Variants in CTTNBP2NL observed in about 807,000 individuals in gnomAD.
CTTNBP2NL encodes CTTNBP2 N-terminal-like protein.
CTTNBP2NL carries 16 observed loss-of-function variants against 32.5 expected under a neutral mutation model. The observed-to-expected ratio is 0.49, with a 90% CI of 0.33 to 0.75. CTTNBP2NL has a LOEUF of 0.75. CTTNBP2NL is among the 30% of genes least tolerant of loss of function. The pLI is 0.02. For synonymous variants in CTTNBP2NL, 298 were observed against 289.4 expected (o/e 1.03, Z -0.30); for missense variants, 645 against 756.0 (o/e 0.85, Z 1.72).
At chr1:112,419,066 C>T (rs1649148360) in intron 3 of CTTNBP2NL, among the ~76,000 whole-genome samples, 1 of 152,050 alleles carries the variant, frequency 6.6e-6, no homozygotes, top group Admixed American at 6.6e-5. Context: ...CTTTCATGTG[C>T]GATTAACTTA....
intron 3 of CTTNBP2NL, among the ~76,000 whole-genome samples, chr1:112,436,892 G>A (rs77220615): frequency 6.6e-5 from 10 of 152,244 alleles, no homozygotes; most frequent in African/African-American, 2.4e-4. Context: ...GCTTATAAGT[G>A]AGAACGTGTG....
intron 1 of CTTNBP2NL, among the ~76,000 whole-genome samples, chr1:112,401,829 C>T (rs987822372): frequency 3.3e-5 from 5 of 152,156 alleles, no homozygotes; most frequent in African/African-American, 4.8e-5. Flanking sequence ...GGTACAGAGC[C>T]AGAACTTCCA....
intron 4 of CTTNBP2NL, among the ~76,000 whole-genome samples, chr1:112,452,676 C>T (rs1287343227): frequency 7.2e-6 from 1 of 139,242 alleles, no homozygotes; most frequent in Non-Finnish European, 1.5e-5. Context: ...AGTCTCACTC[C>T]GTTGCCTGGG....
At chr1:112,397,539 A>G (rs1294106140) in intron 1 of CTTNBP2NL, among the ~76,000 whole-genome samples, 1 of 152,210 alleles carries the variant, frequency 6.6e-6, no homozygotes, top group Non-Finnish European at 1.5e-5. Flanking sequence ...AGATAAGAGT[A>G]AATAAAGGCA....
chr1:112,411,880 A>G (rs1254750251), intron 1 of CTTNBP2NL, among the ~76,000 whole-genome samples: 1 of 152,148 alleles, frequency 6.6e-6, no homozygotes, highest in Non-Finnish European at 1.5e-5. Flanking sequence ...AGTCATGGTG[A>G]TTCAAGCAAA....
At chr1:112,420,641 G>C (rs1000805190) in intron 3 of CTTNBP2NL, among the ~76,000 whole-genome samples, 9 of 151,760 alleles carry the variant, frequency 5.9e-5, no homozygotes, top group Non-Finnish European at 1.2e-4. Context: ...GCTAAGTTTT[G>C]TATTTTTTGT....
intron 2 of CTTNBP2NL, chr1:112,414,728 A>G (rs1649007013): frequency 6.6e-6 from 1 of 152,244 alleles, no homozygotes; most frequent in Non-Finnish European, 1.5e-5. Context: ...ATTGTACAGC[A>G]GTCTAACTTG....
chr1:112,456,586 GCAA>G lies in CTTNBP2NL; in HGVS notation c.1098_1100del (p.Asn367del). 6.2e-7 allele frequency: 1 copy of G among 1,614,148 alleles called. No homozygotes were observed. Among genetic ancestry groups the G allele is most frequent in the African/African-American group, 1.3e-5 (1 of 75,044 alleles). Reference sequence around the variant, plus strand: ...CAAACTACCAGGGAGCTGACTGCAGGCAACAATGTAGAAAACCAGGTGCCTCCA... The same window carrying G: ...CAAACTACCAGGGAGCTGACTGCAGGCAATGTAGAAAACCAGGTGCCTCCA... On this transcript the variant is annotated inframe_deletion, in exon 6 of 6. Coordinates refer to ENST00000271277, the MANE Select transcript of CTTNBP2NL (RefSeq NM_018704.3).
intron 3 of CTTNBP2NL, among the ~76,000 whole-genome samples, chr1:112,437,509 G>A (rs139444463): frequency 0.03 from 4,546 of 151,874 alleles, 121 homozygotes; most frequent in Non-Finnish European, 0.045. Context: ...AGTTGTTTGA[G>A]TTCCTTTGTT....
chr1:112,435,633 G>C (rs945100762), intron 3 of CTTNBP2NL, among the ~76,000 whole-genome samples: 2 of 152,146 alleles, frequency 1.3e-5, no homozygotes, highest in African/African-American at 4.8e-5. Context: ...GGAACAATTT[G>C]TTCTTCAGGC....
upstream of CTTNBP2NL, among the ~76,000 whole-genome samples, chr1:112,391,938 C>G (rs1648192441): frequency 6.6e-6 from 1 of 152,020 alleles, no homozygotes; most frequent in Admixed American, 6.6e-5. Context: ...TTGCGGTGAG[C>G]AGAGATTGGG....
At chr1:112,443,702 T>G (rs190162620) in intron 3 of CTTNBP2NL, among the ~76,000 whole-genome samples, 1 of 152,354 alleles carries the variant, frequency 6.6e-6, no homozygotes, top group East Asian at 1.9e-4. Flanking sequence ...TGTTTAATTT[T>G]TGTACTATTT....
rs972845998 is a variant in CTTNBP2NL, at chr1:112,425,522, G to A, written c.99+9258G>A. On this transcript the variant is annotated intron_variant, in intron 3 of 5. Coordinates refer to ENST00000271277, the MANE Select transcript of CTTNBP2NL (RefSeq NM_018704.3). ...TTTGTATACATTGATTTTATATCCT[G>A]CAACCATGCTAATAAACTCACTTAT... Among the ~76,000 whole-genome samples, 4 of 152,034 alleles carry A rather than the reference G, an allele frequency of 2.6e-5. No homozygotes were observed. In the East Asian group the frequency reaches 7.7e-4, roughly 29 times the overall value.
At chr1:112,411,774 C>G (rs938168056) in intron 1 of CTTNBP2NL, among the ~76,000 whole-genome samples, 10 of 151,902 alleles carry the variant, frequency 6.6e-5, no homozygotes, top group Non-Finnish European at 1.5e-4. Flanking sequence ...GCTCCACCTC[C>G]TGGGTTCACG....
At chr1:112,433,232 GTTA>G (rs1291135524) in intron 3 of CTTNBP2NL, among the ~76,000 whole-genome samples, 1 of 152,182 alleles carries the variant, frequency 6.6e-6, no homozygotes, top group East Asian at 1.9e-4. Flanking sequence ...AAGCCAAAAT[GTTA>G]TTATTCATTT....
In CTTNBP2NL at chr1:112,421,342, C is replaced by T. The variant is rs553495885; in HGVS notation, c.99+5078C>T. Among the ~76,000 whole-genome samples, 325 of 140,060 alleles carry T rather than the reference C, an allele frequency of 2.3e-3. 2 individuals are homozygous for T. Among genetic ancestry groups the T allele is most frequent in the African/African-American group, 8.0e-3 (305 of 38,332 alleles). 91.9% of individuals were successfully genotyped at this position (140,060 alleles called of 152,430 possible). ...TTTTTTTTTTTTGAGACGGAGTTGCCCAGGCTGGAGTGCAGTGGCACAATC... is the reference window on the plus strand; with the variant it reads ...TTTTTTTTTTTTGAGACGGAGTTGCTCAGGCTGGAGTGCAGTGGCACAATC... On this transcript the variant is annotated intron_variant, in intron 3 of 5. Transcript: ENST00000271277.
chr1:112,443,860 C>T (rs975503545), intron 3 of CTTNBP2NL, among the ~76,000 whole-genome samples: 1 of 152,148 alleles, frequency 6.6e-6, no homozygotes, highest in Non-Finnish European at 1.5e-5. Flanking sequence ...AGAATGTTTG[C>T]TTTATTTCCA....
Position 112,412,252 on chromosome 1 carries a change from A to G in CTTNBP2NL, c.-75A>G, listed in dbSNP as rs1331120956. On this transcript the variant is annotated 5_prime_UTR_variant, in exon 2 of 6. Transcript: ENST00000271277. ...TTAAATATATTTGGCAATTTTCCCA[A>G]TTTTTTACTGAAGAAAACTGTAAGT... The G allele has an allele frequency of 4.6e-5, 7 of 152,122 alleles. No individual in the cohort carries two copies. The highest frequency in any genetic ancestry group is 7.2e-5 in the African/African-American group (3 of 41,420). 9.4% of individuals were successfully genotyped at this position (152,122 alleles called of 1,614,324 possible).
At chr1:112,420,763 G>T (rs1649204875) in intron 3 of CTTNBP2NL, among the ~76,000 whole-genome samples, 1 of 152,214 alleles carries the variant, frequency 6.6e-6, no homozygotes. Context: ...CACCGTGCCA[G>T]CCTATTCCTG....
Sources: gnomAD v4.1 joint callset for allele counts (sites outside exome capture counted in the v4.1 genomes callset) on GRCh38, gnomAD v4.1.1 for gene constraint, MANE v1.5 for transcripts, NCBI Gene and HGNC (gene_info 2026-07-23, HGNC 2026-07-21) for gene names.